The following SCHIP1 variants were observed in gnomAD, a reference collection of about 807,000 sequenced individuals.
The protein encoded by SCHIP1 is schwannomin interacting protein 1.
Under a neutral mutation model 29.7 loss-of-function variants are expected in SCHIP1, and 8 were observed. The ratio of observed to expected loss-of-function variants is 0.27; its 90% CI spans 0.16 to 0.49. The LOEUF (loss-of-function observed/expected upper bound fraction) is 0.49. SCHIP1 is among the 20% of genes least tolerant of loss of function. The probability of loss-of-function intolerance (pLI) is 0.99; values close to 1 mark genes in which losing one functional copy is unlikely to be tolerated. For synonymous variants in SCHIP1, 76 were observed against 94.9 expected, an observed-to-expected ratio of 0.80 and a Z score of 1.16; for missense variants, 193 against 294.6, an observed-to-expected ratio of 0.66 and a Z score of 2.52.
the SCHIP1 span, among the ~76,000 whole-genome samples, chr3:159,295,113 A>G: frequency 9.5e-3 from 1,448 of 152,110 alleles, 14 homozygotes; most frequent in African/African-American, 0.014. Context: ...AGAGTCCAAT[A>G]AAGAAGTTTA....
At chr3:159,290,772 C>G in the SCHIP1 span, among the ~76,000 whole-genome samples, 2 of 152,000 alleles carry the variant, frequency 1.3e-5, no homozygotes, top group South Asian at 4.1e-4. Context: ...CTATACTGTA[C>G]TTATTTTACA....
chr3:159,371,491 A>G, the SCHIP1 span, among the ~76,000 whole-genome samples: 1 of 152,198 alleles, frequency 6.6e-6, no homozygotes, highest in Non-Finnish European at 1.5e-5. Context: ...AGAGGTCTGT[A>G]TAAAGGGAGG....
At chr3:159,664,046 TTC>T in the SCHIP1 span, among the ~76,000 whole-genome samples, 1 of 152,226 alleles carries the variant, frequency 6.6e-6, no homozygotes, top group Admixed American at 6.5e-5. Context: ...TGAGGTTTGT[TTC>T]TCTCTTTTTA....
At chr3:159,626,122 A>ATATATC in the SCHIP1 span, among the ~76,000 whole-genome samples, 4 of 123,012 alleles carry the variant, frequency 3.3e-5, no homozygotes, top group African/African-American at 5.4e-5. Context: ...AGATAGATAG[A>ATATATC]TAGATAGATA....
intron 2 of SCHIP1, among the ~76,000 whole-genome samples, chr3:159,883,551 A>T (rs1716658785): frequency 6.6e-6 from 1 of 152,174 alleles, no homozygotes; most frequent in African/African-American, 2.4e-5. Flanking sequence ...AGTTTCACCG[A>T]GAGCTGACTT....
chr3:159,494,814 T>G, the SCHIP1 span, among the ~76,000 whole-genome samples: 1 of 152,150 alleles, frequency 6.6e-6, no homozygotes, highest in African/African-American at 2.4e-5. Flanking sequence ...AAAAGAGAAT[T>G]TTATACCAAT....
the SCHIP1 span, among the ~76,000 whole-genome samples, chr3:159,725,616 A>C: frequency 1.3e-5 from 2 of 151,724 alleles, no homozygotes; most frequent in African/African-American, 4.8e-5. Context: ...ATTTCTGCCC[A>C]CTCTCCCAGT....
the SCHIP1 span, among the ~76,000 whole-genome samples, chr3:159,646,098 A>G: frequency 6.6e-6 from 1 of 152,144 alleles, no homozygotes; most frequent in Admixed American, 6.5e-5. Context: ...AAGCCAAACT[A>G]GGCCTTGATC....
At chr3:159,480,976 C>T in the SCHIP1 span, among the ~76,000 whole-genome samples, 3 of 152,176 alleles carry the variant, frequency 2.0e-5, no homozygotes, top group African/African-American at 7.2e-5. Context: ...GGGGTTGTTT[C>T]TCTGGTGGGC....
the SCHIP1 span, among the ~76,000 whole-genome samples, chr3:159,551,066 T>A: frequency 6.6e-6 from 1 of 152,168 alleles, no homozygotes; most frequent in South Asian, 2.1e-4. Context: ...AGTCTACAGA[T>A]CCTGCTTTGG....
chr3:159,372,106 A>G, the SCHIP1 span, among the ~76,000 whole-genome samples: 1 of 152,222 alleles, frequency 6.6e-6, no homozygotes, highest in Non-Finnish European at 1.5e-5. Context: ...ATATATGTCA[A>G]TGAACATATG....
chr3:159,367,700 CAG>C, the SCHIP1 span, among the ~76,000 whole-genome samples: 1 of 152,046 alleles, frequency 6.6e-6, no homozygotes, highest in East Asian at 1.9e-4. Context: ...CTCTCTCACA[CAG>C]AGTTATGAAA....
chr3:159,681,824 A>G, the SCHIP1 span, among the ~76,000 whole-genome samples: 1 of 152,224 alleles, frequency 6.6e-6, no homozygotes, highest in African/African-American at 2.4e-5. Flanking sequence ...ACGTTAACTT[A>G]GGTTAACTTG....
chr3:159,312,392 C>A, the SCHIP1 span, among the ~76,000 whole-genome samples: 1 of 151,988 alleles, frequency 6.6e-6, no homozygotes, highest in Non-Finnish European at 1.5e-5. Flanking sequence ...AGAAAGGAAG[C>A]CTTAGGTTAA....
chr3:159,785,262 TTAAG>T, the SCHIP1 span, among the ~76,000 whole-genome samples: 1 of 152,192 alleles, frequency 6.6e-6, no homozygotes, highest in Admixed American at 6.5e-5. Context: ...AAAATCATGA[TTAAG>T]TATTATTCAT....
At chr3:159,749,618 G>C in the SCHIP1 span, among the ~76,000 whole-genome samples, 2 of 152,188 alleles carry the variant, frequency 1.3e-5, no homozygotes, top group Non-Finnish European at 2.9e-5. Flanking sequence ...TTTACTCGGT[G>C]CTTATTCTTG....
chr3:159,828,039 C>A, the SCHIP1 span, among the ~76,000 whole-genome samples: 15 of 151,190 alleles, frequency 9.9e-5, no homozygotes, highest in South Asian at 6.3e-4. Context: ...TGTTGACTCA[C>A]CCAATGCTAT....
the SCHIP1 span, among the ~76,000 whole-genome samples, chr3:159,725,453 G>A: frequency 6.6e-6 from 1 of 151,940 alleles, no homozygotes; most frequent in Non-Finnish European, 1.5e-5. Context: ...ATTTTTAGTA[G>A]AGACGGGGTT....
chr3:159,288,686 C>T, the SCHIP1 span, among the ~76,000 whole-genome samples: 3 of 152,092 alleles, frequency 2.0e-5, no homozygotes, highest in South Asian at 2.1e-4. Context: ...TGCAGTGAGC[C>T]GAGATTGCGC....
Sources: allele counts gnomAD v4.1 joint callset (sites outside exome capture counted in the v4.1 genomes callset), GRCh38; gene constraint gnomAD v4.1.1; transcripts MANE v1.5; gene names NCBI Gene and HGNC (gene_info 2026-07-23, HGNC 2026-07-21).